ADGRE3: variants seen among roughly 807,000 people sequenced by gnomAD.
ADGRE3 encodes the protein EGF-like module receptor 3.
ADGRE3 carries 88 observed loss-of-function variants against 80.1 expected under a neutral mutation model. That is an observed-to-expected ratio of 1.10 (90% CI 0.93 to 1.31). The LOEUF (loss-of-function observed/expected upper bound fraction) is 1.31. Among genes scored for constraint, ADGRE3 ranks in the 40% most tolerant of loss-of-function variants. ADGRE3 has a pLI of 0.00. For missense variants in ADGRE3, 715 were observed against 776.5 expected, an observed-to-expected ratio of 0.92 and a Z score of 0.94; for synonymous variants, 281 against 294.8, an observed-to-expected ratio of 0.95 and a Z score of 0.48.
In ADGRE3 at chr19:14,641,569, G is replaced by T; in HGVS notation, c.1098C>A (p.Val366=). 1.9e-6 allele frequency: 3 copies of T among 1,614,178 alleles called. No individual in the cohort carries two copies. Among genetic ancestry groups the T allele is most frequent in the Non-Finnish European group, 2.5e-6 (3 of 1,180,032 alleles). ...LTVITYVGLS[V]SLLCLLLAAL... is the part of the protein sequence containing the mutation. ...CCGCCAGGAGGAGGCACAGCAGAGAGACGCTCAGCCCCACGTAGGTGATGA... is the reference window on the plus strand; with the variant it reads ...CCGCCAGGAGGAGGCACAGCAGAGATACGCTCAGCCCCACGTAGGTGATGA... The change falls in exon 10 of 16, where the codon GTC becomes GTA. Residue 366 remains valine, a synonymous_variant. Transcript: ENST00000253673.
chr19:14,612,677 A>G, the ADGRE3 span, among the ~76,000 whole-genome samples: 2 of 152,028 alleles, frequency 1.3e-5, no homozygotes, highest in African/African-American at 4.8e-5. Flanking sequence ...ATACAGCCAT[A>G]TTAGGAGGTC....
At chr19:14,620,401 A>AAT (rs1247400653) in intron 15 of ADGRE3, among the ~76,000 whole-genome samples, 1 of 119,444 alleles carries the variant, frequency 8.4e-6, no homozygotes, top group Non-Finnish European at 1.8e-5. Context: ...TGTATATATG[A>AAT]ATATATATGT....
chr19:14,654,953 G>A, intron 6 of ADGRE3, 29 bp downstream of exon 6: 1 of 1,592,684 alleles, frequency 6.3e-7, no homozygotes, highest in Non-Finnish European at 8.6e-7. Context: ...CCAGTCCCCA[G>A]GGTGTATCAG....
At chr19:14,612,077 T>C in the ADGRE3 span, among the ~76,000 whole-genome samples, 2 of 152,200 alleles carry the variant, frequency 1.3e-5, no homozygotes, top group African/African-American at 4.8e-5. Flanking sequence ...CTTGCAATGT[T>C]AGTGCTTCTC....
intron 7 of ADGRE3, among the ~76,000 whole-genome samples, chr19:14,648,215 C>T (rs544273549): frequency 1.6e-4 from 24 of 152,084 alleles, no homozygotes; most frequent in African/African-American, 3.4e-4. Context: ...GCTGTAGGTA[C>T]GGTGGGCACC....
rs370544138 is a variant in ADGRE3, at chr19:14,651,142, C to T, written c.640G>A (p.Val214Ile). 25 of 1,613,900 alleles carry T rather than the reference C, an allele frequency of 1.5e-5. No individual in the cohort carries two copies. Among genetic ancestry groups the T allele is most frequent in the South Asian group, 1.2e-4 (11 of 91,088 alleles). Residue 214 changes from valine (V) to isoleucine (I), a missense_variant, in exon 7 of 16, where the codon GTC becomes ATC. Physicochemically the swap from Val to Ile is conservative, Grantham distance 29. Transcript: ENST00000253673. ...CGGATGTCCATTGAGTTCATTTGGA[C>T]GTTCAAGTTGAATGTCTTTCTTTCT... ...SEERKTFNLN[V>I]QMNSMDIRCS...
rs758509736 is a variant in ADGRE3, at chr19:14,655,181, G to C, written c.394-16C>G. 1.3e-6 allele frequency: 2 copies of C among 1,591,880 alleles called. No individual in the cohort carries two copies. Among genetic ancestry groups the C allele is most frequent in the East Asian group, 2.2e-5 (1 of 44,590 alleles). On this transcript the variant is annotated splice_polypyrimidine_tract_variant and intron_variant, in intron 5 of 15. Transcript: ENST00000253673. ...TCTTTTGCAGCTTTGAAGACATAAA[G>C]AATTTTCATTTTTTAAAAATGTAAT...
At chr19:14,641,244 T>C (rs1041469371) in intron 10 of ADGRE3, among the ~76,000 whole-genome samples, 175 bp downstream of exon 10, 1 of 152,186 alleles carries the variant, frequency 6.6e-6, no homozygotes, top group Non-Finnish European at 1.5e-5. Flanking sequence ...CTTTTTCTCT[T>C]ATCTGTCTTT....
intron 9 of ADGRE3, among the ~76,000 whole-genome samples, chr19:14,643,625 T>A (rs1971314225): frequency 6.6e-6 from 1 of 152,162 alleles, no homozygotes; most frequent in African/African-American, 2.4e-5. Context: ...GAGAATGAAC[T>A]GCATCTGTGT....
At chr19:14,635,242 A>G (rs1005644434) in intron 11 of ADGRE3, among the ~76,000 whole-genome samples, 2 of 151,588 alleles carry the variant, frequency 1.3e-5, no homozygotes, top group African/African-American at 4.8e-5. Context: ...GACTACAGGC[A>G]TGCACCACCG....
At chr19:14,603,935 G>C in the ADGRE3 span, among the ~76,000 whole-genome samples, 1 of 152,174 alleles carries the variant, frequency 6.6e-6, no homozygotes, top group South Asian at 2.1e-4. Context: ...CTCTCTAAAT[G>C]TTAAAGAGTC....
downstream of ADGRE3, among the ~76,000 whole-genome samples, chr19:14,617,341 C>CCTCT: frequency 1.4e-4 from 8 of 57,172 alleles, no homozygotes; most frequent in Non-Finnish European, 2.6e-4. Context: ...TCCCTCCCTC[C>CCTCT]CTTTCTTTCT....
intron 13 of ADGRE3, among the ~76,000 whole-genome samples, chr19:14,631,727 G>C (rs1481598305): frequency 2.6e-5 from 4 of 151,920 alleles, no homozygotes; most frequent in African/African-American, 9.7e-5. Flanking sequence ...AGTGAGGAAA[G>C]CTAATTGAGG....
At chr19:14,654,895 T>C in intron 6 of ADGRE3, 87 bp downstream of exon 6, 1 of 990,354 alleles carries the variant, frequency 1.0e-6, no homozygotes, top group Non-Finnish European at 1.5e-6. Flanking sequence ...TCATGTGGTG[T>C]ATTCAATTTT....
At chr19:14,651,280 T>A in intron 6 of ADGRE3, 76 bp from the exon 7 acceptor site, 2 of 1,517,220 alleles carry the variant, frequency 1.3e-6, no homozygotes, top group African/African-American at 2.7e-5. Flanking sequence ...CAGGACATGG[T>A]GGTGCATGCC....
intron 15 of ADGRE3, among the ~76,000 whole-genome samples, chr19:14,620,403 T>TATATATGTATATTCATGTATATATGA (rs1568470930): frequency 4.7e-4 from 55 of 118,030 alleles, no homozygotes; most frequent in African/African-American, 1.8e-3. Context: ...TATATATGAA[T>TATATATGTATATTCATGTATATATGA]ATATATGTAT....
intron 15 of ADGRE3, among the ~76,000 whole-genome samples, chr19:14,620,407 T>TATGTATATTCATGTATATATGAATATAG (rs1970510280): frequency 8.4e-6 from 1 of 119,594 alleles, no homozygotes; most frequent in South Asian, 2.4e-4. Context: ...TATGAATATA[T>TATGTATATTCATGTATATATGAATATAG]ATGTATATTC....
At chr19:14,674,530 CA>C (rs1399414150) in intron 1 of ADGRE3, among the ~76,000 whole-genome samples, 1 of 151,804 alleles carries the variant, frequency 6.6e-6, no homozygotes, top group Non-Finnish European at 1.5e-5. Context: ...ACAAAACAAA[CA>C]AAAAACCAAG....
Position 14,660,435 on chromosome 19 carries a change from T to C in ADGRE3, c.355+1528A>G, listed in dbSNP as rs557977133. ...TGAGACCAGGAGTTTGAGATCAGCC[T>C]GGGCGACATAGTGAGAACCCCATCT... On this transcript the variant is annotated intron_variant, in intron 4 of 15. Coordinates refer to ENST00000253673, the MANE Select transcript of ADGRE3 (RefSeq NM_032571.5). 7.9e-5 allele frequency among the ~76,000 whole-genome samples: 12 copies of C among 152,212 alleles called. No homozygotes were observed. The South Asian group carries it at 1.0e-3, about 13-fold the overall frequency.
Sources: gnomAD v4.1 joint callset for allele counts (sites outside exome capture counted in the v4.1 genomes callset) on GRCh38, gnomAD v4.1.1 for gene constraint, MANE v1.5 for transcripts, NCBI Gene and HGNC (gene_info 2026-07-23, HGNC 2026-07-21) for gene names.